The following BEND7 variants were observed in gnomAD, a reference collection of about 807,000 sequenced individuals.
BEND7 encodes the protein BEN domain containing 7.
BEND7 carries 28 observed loss-of-function variants against 50.9 expected under a neutral mutation model. The ratio of observed to expected loss-of-function variants is 0.55; its 90% CI spans 0.41 to 0.75. BEND7 has a LOEUF of 0.75. Among genes scored for constraint, BEND7 ranks in the 30% least tolerant of loss-of-function variants. The probability of loss-of-function intolerance (pLI) is 0.00; values close to 1 mark genes in which losing one functional copy is unlikely to be tolerated. For missense variants in BEND7, 477 were observed against 491.3 expected (o/e 0.97, Z 0.28); for synonymous variants, 170 against 183.9 (o/e 0.92, Z 0.61).
At position 13,447,248 on chromosome 10, in the gene BEND7, TA is replaced by T. The variant is rs545291098; in HGVS notation, c.1234+17del. The T allele has an allele frequency of 3.9e-5, 63 of 1,613,764 alleles. 2 individuals are homozygous for T. In the South Asian group the frequency reaches 6.6e-4, roughly 17 times the overall value. ...TATTTTCCAGGAGGTGATGAAAATGTAAATGCGTTTTATTTACCTGTTGGTG... is the reference window on the plus strand; with the variant it reads ...TATTTTCCAGGAGGTGATGAAAATGTAATGCGTTTTATTTACCTGTTGGTG... On this transcript the variant is annotated intron_variant, in intron 8 of 8. Transcript: ENST00000466271.
At chr10:13,452,747 G>A in intron 6 of BEND7, 89 bp from the exon 7 acceptor site, 1 of 1,279,930 alleles carries the variant, frequency 7.8e-7, no homozygotes. Context: ...AGAAAAAAAA[G>A]TAGATTTCTA....
chr10:13,459,345 C>G (rs1236293855), intron 6 of BEND7, among the ~76,000 whole-genome samples: 4 of 152,162 alleles, frequency 2.6e-5, no homozygotes, highest in African/African-American at 9.6e-5. Flanking sequence ...ATACTTTGAA[C>G]TCTGAGATCT....
intron 7 of BEND7, among the ~76,000 whole-genome samples, chr10:13,452,049 C>A (rs1027875866): frequency 2.6e-5 from 4 of 152,130 alleles, no homozygotes; most frequent in East Asian, 3.9e-4. Context: ...GAATTTTAAA[C>A]CCACACACAC....
At chr10:13,468,559 T>C (rs571291278) in intron 6 of BEND7, among the ~76,000 whole-genome samples, 27 of 152,264 alleles carry the variant, frequency 1.8e-4, no homozygotes, top group South Asian at 1.0e-3. Flanking sequence ...TCACGAGATT[T>C]GGTTTTCTGG....
chr10:13,465,973 G>A (rs1256224989), intron 6 of BEND7, among the ~76,000 whole-genome samples: 1 of 152,008 alleles, frequency 6.6e-6, no homozygotes, highest in Non-Finnish European at 1.5e-5. Flanking sequence ...TGACATTTCT[G>A]TCTAAAAGGA....
intron 3 of BEND7, among the ~76,000 whole-genome samples, chr10:13,498,147 T>G (rs1466398899): frequency 6.6e-6 from 1 of 150,532 alleles, no homozygotes; most frequent in Non-Finnish European, 1.5e-5. Flanking sequence ...ATGATCTTGG[T>G]TCACTGCAAC....
intron 8 of BEND7, chr10:13,442,880 C>T (rs1835550441): frequency 6.6e-6 from 1 of 152,176 alleles, no homozygotes; most frequent in Non-Finnish European, 1.5e-5. Flanking sequence ...ATCCTATCTC[C>T]CAAAACAACT....
chr10:13,527,226 G>GAA (rs35603506), intron 1 of BEND7, among the ~76,000 whole-genome samples: 1 of 151,554 alleles, frequency 6.6e-6, no homozygotes, highest in Non-Finnish European at 1.5e-5. Flanking sequence ...CACGGATGTG[G>GAA]AAAAAAAAAT....
chr10:13,496,134 A>G (rs1199925112), intron 4 of BEND7, among the ~76,000 whole-genome samples: 1 of 152,212 alleles, frequency 6.6e-6, no homozygotes, highest in East Asian at 1.9e-4. Flanking sequence ...ACATCATTCT[A>G]TTTTGACAAC....
intron 6 of BEND7, among the ~76,000 whole-genome samples, chr10:13,464,838 T>TAC (rs2074070474): frequency 1.3e-5 from 2 of 152,178 alleles, no homozygotes; most frequent in South Asian, 4.1e-4. Flanking sequence ...TTATACTCCT[T>TAC]ACACACACAC....
At chr10:13,443,358 G>A (rs1835624133) in intron 8 of BEND7, 1 of 152,654 alleles carries the variant, frequency 6.6e-6, no homozygotes, top group Non-Finnish European at 1.5e-5. Flanking sequence ...AATGAAACCT[G>A]GTTCTGTGTC....
chr10:13,515,903 C>CG (rs2078633923), intron 2 of BEND7, among the ~76,000 whole-genome samples: 1 of 151,658 alleles, frequency 6.6e-6, no homozygotes, highest in Non-Finnish European at 1.5e-5. Context: ...ATGGTGTAGA[C>CG]GGGGTGCTAT....
At chr10:13,439,458 CT>C (rs747002915), downstream of BEND7, 3 of 1,613,514 alleles carry the variant, frequency 1.9e-6, no homozygotes, top group Non-Finnish European at 2.5e-6. Context: ...CACCGCTGCA[CT>C]CCCACCCGGC....
chr10:13,487,026 T>C (rs561210614), intron 5 of BEND7, among the ~76,000 whole-genome samples: 124 of 152,350 alleles, frequency 8.1e-4, no homozygotes, highest in South Asian at 1.9e-3. Context: ...TCCTATGCTA[T>C]TATAATTACT....
At chr10:13,445,781 G>A (rs1836187564) in intron 8 of BEND7, 1 of 152,154 alleles carries the variant, frequency 6.6e-6, no homozygotes, top group African/African-American at 2.4e-5. Flanking sequence ...AACTTCAAGG[G>A]GAGTGGCTTT....
rs561407355 is a variant in BEND7 at position 13,500,220 on chromosome 10, C to T, written c.146-140G>A. 103 of 788,638 alleles carry T rather than the reference C, an allele frequency of 1.3e-4. No homozygotes were observed. In the Admixed American group the frequency reaches 2.1e-3, roughly 16 times the overall value. 48.9% of individuals were successfully genotyped at this position (788,638 alleles called of 1,614,324 possible). Reference sequence around the variant, plus strand: ...GACTCTATGAACTTAATCTGTAAAACGCAAAGGCAGGAAAACTGACTACGG... The same window carrying T: ...GACTCTATGAACTTAATCTGTAAAATGCAAAGGCAGGAAAACTGACTACGG... On this transcript the variant is annotated intron_variant, in intron 2 of 8. Transcript: ENST00000466271.
chr10:13,460,289 C>G (rs1368794540), intron 6 of BEND7, among the ~76,000 whole-genome samples: 8 of 152,132 alleles, frequency 5.3e-5, no homozygotes, highest in Non-Finnish European at 8.8e-5. Context: ...AGAGTCCAGG[C>G]CTTACAGCAG....
intron 2 of BEND7, among the ~76,000 whole-genome samples, chr10:13,506,581 T>C (rs2077909852): frequency 6.6e-6 from 1 of 152,160 alleles, no homozygotes; most frequent in African/African-American, 2.4e-5. Context: ...TAACTTAAGA[T>C]TCAGGTCTCT....
At position 13,453,270 on chromosome 10, in the gene BEND7, G is replaced by A. The variant is rs145726596; in HGVS notation, c.1064-612C>T. 5.2e-3 allele frequency among the ~76,000 whole-genome samples: 795 copies of A among 152,278 alleles called. 2 individuals carry two copies. Among genetic ancestry groups the A allele is most frequent in the Non-Finnish European group, 7.6e-3 (516 of 68,026 alleles). The stretch of plus-strand genomic sequence containing the variant: ...ACACAAGGCAGGCGGGACAATGATC[G>A]TGGGAGGGCTATGCACAGTGTGTGG... On this transcript the variant is annotated intron_variant, in intron 6 of 8. Transcript: ENST00000466271.
Sources: gnomAD v4.1 joint callset for allele counts (sites outside exome capture counted in the v4.1 genomes callset) on GRCh38, gnomAD v4.1.1 for gene constraint, MANE v1.5 for transcripts, NCBI Gene and HGNC (gene_info 2026-07-23, HGNC 2026-07-21) for gene names.